The following TMEFF2 variants were observed in gnomAD, a reference collection of about 807,000 sequenced individuals.
The protein encoded by TMEFF2 is tomoregulin-2.
TMEFF2 carries 28 observed loss-of-function variants against 53.8 expected under a neutral mutation model. The ratio of observed to expected loss-of-function variants is 0.52; its 90% CI spans 0.39 to 0.71. The LOEUF (loss-of-function observed/expected upper bound fraction) is 0.71, where lower values mean the gene tolerates loss of function less well. Among genes scored for constraint, TMEFF2 ranks in the 30% least tolerant of loss-of-function variants. The pLI is 0.00. For missense variants in TMEFF2, 353 were observed against 455.2 expected, an observed-to-expected ratio of 0.78 and a Z score of 2.04; for synonymous variants, 162 against 166.3, an observed-to-expected ratio of 0.97 and a Z score of 0.20.
chr2:192,032,530 A>G (rs1687165974), intron 5 of TMEFF2: 1 of 152,212 alleles, frequency 6.6e-6, no homozygotes, highest in Admixed American at 6.5e-5. Flanking sequence ...ACGGAAGTGT[A>G]TAACCTTGGG....
chr2:192,129,172 G>T (rs2105974751), intron 4 of TMEFF2, among the ~76,000 whole-genome samples: 1 of 152,246 alleles, frequency 6.6e-6, no homozygotes, highest in East Asian at 1.9e-4. Context: ...GGAATCCTGG[G>T]ATCCTCGTGC....
At chr2:192,005,333 G>A (rs1367388813) in intron 5 of TMEFF2, among the ~76,000 whole-genome samples, 1 of 152,088 alleles carries the variant, frequency 6.6e-6, no homozygotes, top group Non-Finnish European at 1.5e-5. Context: ...GCTCTTCCAA[G>A]GATGATCTGC....
At chr2:191,957,475 T>C (rs1432412007) in intron 7 of TMEFF2, among the ~76,000 whole-genome samples, 1 of 152,130 alleles carries the variant, frequency 6.6e-6, no homozygotes, top group Non-Finnish European at 1.5e-5. Context: ...CATATAAGGG[T>C]ATAGGTTTTA....
intron 4 of TMEFF2, among the ~76,000 whole-genome samples, chr2:192,167,185 T>C (rs1690789536): frequency 6.6e-6 from 1 of 152,158 alleles, no homozygotes; most frequent in Non-Finnish European, 1.5e-5. Flanking sequence ...CTTTGTCTTA[T>C]CTGGCAAGAA....
chr2:192,036,529 T>C (rs894485623), intron 5 of TMEFF2, among the ~76,000 whole-genome samples: 5 of 152,230 alleles, frequency 3.3e-5, no homozygotes, highest in African/African-American at 9.6e-5. Flanking sequence ...TTGAATCATA[T>C]AACTCCTGAA....
At chr2:192,097,617 A>C (rs1019138204) in intron 4 of TMEFF2, among the ~76,000 whole-genome samples, 4 of 152,212 alleles carry the variant, frequency 2.6e-5, no homozygotes, top group African/African-American at 9.6e-5. Flanking sequence ...TTTTCAATTC[A>C]TTCTCCTGTT....
chr2:191,960,091 T>A (rs1692229638), intron 7 of TMEFF2, among the ~76,000 whole-genome samples: 1 of 152,072 alleles, frequency 6.6e-6, no homozygotes. Flanking sequence ...CAGGCTGGTC[T>A]TGAACTCCTG....
intron 4 of TMEFF2, among the ~76,000 whole-genome samples, chr2:192,077,161 G>T (rs1688452046): frequency 6.6e-6 from 1 of 152,114 alleles, no homozygotes; most frequent in South Asian, 2.1e-4. Context: ...GAAAATAGCG[G>T]TTGAGAGTTT....
chr2:192,006,427 T>C (rs1409444722), intron 5 of TMEFF2, among the ~76,000 whole-genome samples: 1 of 152,106 alleles, frequency 6.6e-6, no homozygotes. Flanking sequence ...GAACTATTGC[T>C]GGGAAAGAGA....
chr2:192,000,225 TAGATTA>T (rs1170659550), intron 5 of TMEFF2, among the ~76,000 whole-genome samples: 1 of 152,114 alleles, frequency 6.6e-6, no homozygotes, highest in Non-Finnish European at 1.5e-5. Flanking sequence ...TTTTTGTAAA[TAGATTA>T]TATGTTTCTC....
intron 5 of TMEFF2, among the ~76,000 whole-genome samples, chr2:192,021,468 T>A (rs1465613168): frequency 6.6e-6 from 1 of 152,032 alleles, no homozygotes. Context: ...CAAAGCAGAC[T>A]CTACCATTCC....
intron 4 of TMEFF2, among the ~76,000 whole-genome samples, chr2:192,135,225 A>G (rs1468238523): frequency 2.6e-5 from 4 of 152,176 alleles, no homozygotes; most frequent in African/African-American, 9.7e-5. Flanking sequence ...CCAAGCCATC[A>G]CAGCTGATAT....
chr2:192,077,928 C>G (rs1357139427), intron 4 of TMEFF2, among the ~76,000 whole-genome samples: 1 of 151,942 alleles, frequency 6.6e-6, no homozygotes, highest in Non-Finnish European at 1.5e-5. Flanking sequence ...CCTTGCCACC[C>G]CCGTGTGTGA....
At chr2:192,013,536 C>T (rs958183279) in intron 5 of TMEFF2, among the ~76,000 whole-genome samples, 11 of 151,898 alleles carry the variant, frequency 7.2e-5, no homozygotes, top group East Asian at 1.9e-4. Context: ...CTGTAACCTC[C>T]GCCTCCTGGG....
intron 5 of TMEFF2, among the ~76,000 whole-genome samples, chr2:192,028,285 T>C (rs1486944186): frequency 6.6e-6 from 1 of 152,162 alleles, no homozygotes; most frequent in Non-Finnish European, 1.5e-5. Context: ...AATTGCCCAG[T>C]CTTGGGTATG....
intron 5 of TMEFF2, among the ~76,000 whole-genome samples, chr2:192,002,633 C>T (rs1204067361): frequency 6.6e-6 from 1 of 152,068 alleles, no homozygotes; most frequent in East Asian, 1.9e-4. Flanking sequence ...AGTTGGAGAC[C>T]AGCCTGGCCG....
At chr2:192,174,503 G>C (rs1244091439) in intron 4 of TMEFF2, among the ~76,000 whole-genome samples, 2 of 151,370 alleles carry the variant, frequency 1.3e-5, no homozygotes, top group Non-Finnish European at 3.0e-5. Flanking sequence ...TTACTCCATT[G>C]CTATACTGTT....
intron 4 of TMEFF2, among the ~76,000 whole-genome samples, chr2:192,075,312 T>TATATATAAATATAA (rs1559115166): frequency 2.8e-5 from 3 of 105,760 alleles, no homozygotes; most frequent in South Asian, 3.1e-4. Flanking sequence ...TATATATATA[T>TATATATAAATATAA]ATATATATAT....
At chr2:192,045,199 TC>T (rs1687586095) in intron 5 of TMEFF2, among the ~76,000 whole-genome samples, 1 of 152,204 alleles carries the variant, frequency 6.6e-6, no homozygotes. Context: ...CTGCAGACCT[TC>T]TCTGAAACAT....
Sources: gnomAD v4.1 joint callset for allele counts (sites outside exome capture counted in the v4.1 genomes callset) on GRCh38, gnomAD v4.1.1 for gene constraint, MANE v1.5 for transcripts, NCBI Gene and HGNC (gene_info 2026-07-23, HGNC 2026-07-21) for gene names.